CCDC57: variants seen among roughly 807,000 people sequenced by gnomAD.
CCDC57 encodes the protein coiled-coil domain containing 57.
Under a neutral mutation model 118.9 loss-of-function variants are expected in CCDC57, and 118 were observed. The observed-to-expected ratio is 0.99, with a 90% CI of 0.86 to 1.16. The LOEUF (loss-of-function observed/expected upper bound fraction) is 1.16. Among genes scored for constraint, CCDC57 ranks in the 50% most tolerant of loss-of-function variants. CCDC57 has a pLI of 0.00. For synonymous variants in CCDC57, 527 were observed against 532.9 expected (o/e 0.99, Z 0.15); for missense variants, 1,300 against 1,320.7 (o/e 0.98, Z 0.24).
At chr17:82,148,601 T>A in intron 16 of CCDC57, among the ~76,000 whole-genome samples, 1 of 68,616 alleles carries the variant, frequency 1.5e-5, no homozygotes. Context: ...GGTAGATGGA[T>A]AGATGGATGG....
At chr17:82,153,016 C>G (rs1034462521) in intron 15 of CCDC57, among the ~76,000 whole-genome samples, 6 of 152,326 alleles carry the variant, frequency 3.9e-5, no homozygotes, top group Admixed American at 1.3e-4. Flanking sequence ...CCCATGAAGG[C>G]TCGCCACAGG....
At chr17:82,101,850 TGGA>T in exon 20 of CCDC57, 1 of 1,577,144 alleles carries the variant, frequency 6.3e-7, no homozygotes, top group Non-Finnish European at 8.6e-7. Flanking sequence ...TGTCGGCTGC[TGGA>T]GGAGCTGGGA....
At chr17:82,179,355 C>T (rs542967223) in intron 9 of CCDC57, among the ~76,000 whole-genome samples, 166 bp from the exon 9 acceptor site, 3 of 152,128 alleles carry the variant, frequency 2.0e-5, no homozygotes, top group African/African-American at 2.4e-5. Context: ...CACACTGGGA[C>T]GCCCAATACA....
At chr17:82,163,227 G>C in exon 14 of CCDC57, 1 of 1,613,998 alleles carries the variant, frequency 6.2e-7, no homozygotes, top group Non-Finnish European at 8.5e-7. Flanking sequence ...TCACCAGCAG[G>C]TTTAGGAGCT....
chr17:82,111,366 T>C (rs1450117301), intron 19 of CCDC57, among the ~76,000 whole-genome samples: 4 of 147,480 alleles, frequency 2.7e-5, no homozygotes, highest in African/African-American at 7.5e-5. Context: ...CCTCTCAAAG[T>C]GCCTAGGGCC....
chr17:82,202,050 GC>G, intron 2 of CCDC57, 98 bp from the exon 2 acceptor site: 1 of 1,240,860 alleles, frequency 8.1e-7, no homozygotes, highest in Non-Finnish European at 1.1e-6. Context: ...AGTTACCACG[GC>G]CGGGCACGGT....
At chr17:82,127,449 G>A (rs1490009766) in intron 19 of CCDC57, 9 of 983,424 alleles carry the variant, frequency 9.2e-6, no homozygotes, top group Non-Finnish European at 8.4e-6. Flanking sequence ...GTGTGCGCCC[G>A]GGTGTACGGT....
chr17:82,154,580 C>T (rs2042449702), intron 15 of CCDC57: 1 of 152,652 alleles, frequency 6.6e-6, no homozygotes, highest in Admixed American at 6.5e-5. Context: ...GGTCCAGGGT[C>T]CCACGTGGCA....
chr17:82,188,183 C>A (rs1019650471), intron 8 of CCDC57, 36 bp downstream of exon 7: 6 of 1,510,668 alleles, frequency 4.0e-6, no homozygotes, highest in Non-Finnish European at 5.3e-6. Flanking sequence ...GCCGTCCCTG[C>A]CCTCACCCTC....
intron 16 of CCDC57, among the ~76,000 whole-genome samples, chr17:82,150,461 GCACACCCAGAACCTGGCA>G (rs1568271869): frequency 5.2e-5 from 3 of 57,710 alleles, no homozygotes; most frequent in East Asian, 1.3e-3. Context: ...AGAACCAGGC[GCACACCCAGAACCTGGCA>G]CACACCCAGA....
chr17:82,201,630 C>A, exon 3 of CCDC57: 1 of 1,613,804 alleles, frequency 6.2e-7, no homozygotes, highest in Non-Finnish European at 8.5e-7. Flanking sequence ...CTCTGGCTAG[C>A]GCCTGCCTCA....
Position 82,179,012 on chromosome 17 carries a change from G to T in CCDC57, c.1374+15C>A. On this transcript the variant is annotated intron_variant, in intron 10 of 19. Coordinates refer to ENST00000665763, the Ensembl canonical transcript of CCDC57. ...AGACGCCGAGAAGGCCCCAGGCCCT[G>T]GTGGCCGCACACACCTGACTTTTTG... 6.2e-7 allele frequency: 1 copy of T among 1,611,480 alleles called. No individual in the cohort carries two copies. Among genetic ancestry groups the T allele is most frequent in the South Asian group, 1.1e-5 (1 of 90,816 alleles).
chr17:82,186,513 C>T (rs1021432287), intron 8 of CCDC57, among the ~76,000 whole-genome samples: 2 of 152,172 alleles, frequency 1.3e-5, no homozygotes, highest in South Asian at 4.1e-4. Context: ...GCGTCTTCAA[C>T]CACTCTGCTT....
At chr17:82,198,397 G>T in exon 4 of CCDC57, 1 of 1,611,894 alleles carries the variant, frequency 6.2e-7, no homozygotes, top group Non-Finnish European at 8.5e-7. Context: ...TGTTCCCGGT[G>T]GTGGTCAATC....
At chr17:82,185,784 G>C (rs548513615) in intron 8 of CCDC57, among the ~76,000 whole-genome samples, 17 of 152,220 alleles carry the variant, frequency 1.1e-4, no homozygotes, top group South Asian at 6.2e-4. Context: ...GGGAGGCTGA[G>C]ATGGGAGGAT....
At chr17:82,200,758 G>A (rs1191082890) in intron 3 of CCDC57, among the ~76,000 whole-genome samples, 5 of 151,862 alleles carry the variant, frequency 3.3e-5, no homozygotes, top group Admixed American at 2.0e-4. Context: ...ACGCTACTGC[G>A]ATCCAGCCTG....
intron 7 of CCDC57, among the ~76,000 whole-genome samples, chr17:82,191,827 T>C (rs2047699775): frequency 6.6e-6 from 1 of 151,022 alleles, no homozygotes; most frequent in Non-Finnish European, 1.5e-5. Flanking sequence ...CTGTCACACC[T>C]GGCTAATTTT....
At chr17:82,104,417 T>C (rs2034694366) in intron 19 of CCDC57, among the ~76,000 whole-genome samples, 1 of 152,344 alleles carries the variant, frequency 6.6e-6, no homozygotes, top group East Asian at 1.9e-4. Context: ...GGAGGGGGAC[T>C]GGGGCCTGCT....
intron 15 of CCDC57, 86 bp downstream of exon 14, chr17:82,157,662 G>C: frequency 1.3e-6 from 2 of 1,492,376 alleles, no homozygotes; most frequent in African/African-American, 1.4e-5. Flanking sequence ...AGGGCATACA[G>C]ACAGCAACGC....
Sources: allele counts gnomAD v4.1 joint callset (sites outside exome capture counted in the v4.1 genomes callset), GRCh38; gene constraint gnomAD v4.1.1; transcripts MANE v1.5; gene names NCBI Gene and HGNC (gene_info 2026-07-23, HGNC 2026-07-21).